XIRP2: variants seen among roughly 807,000 people sequenced by gnomAD.
The protein encoded by XIRP2 is xin actin-binding repeat-containing protein 2.
A neutral mutation model predicts 277.0 loss-of-function variants in XIRP2; 236 were observed. The ratio of observed to expected loss-of-function variants is 0.85; its 90% confidence interval spans 0.77 to 0.95. The LOEUF (loss-of-function observed/expected upper bound fraction) is 0.95, where lower values mean the gene tolerates loss of function less well. Among genes scored for constraint, XIRP2 ranks in the 40% least tolerant of loss-of-function variants. The pLI is 0.00. For synonymous variants in XIRP2, 1,490 were observed against 1,416.5 expected (o/e 1.05, Z -1.17); for missense variants, 4,640 against 4,157.5 (o/e 1.12, Z -3.19).
intron 2 of XIRP2, among the ~76,000 whole-genome samples, chr2:167,072,613 C>G (rs1371163484): frequency 6.6e-6 from 1 of 152,140 alleles, no homozygotes; most frequent in African/African-American, 2.4e-5. Context: ...GTCAGGCACT[C>G]AATAAATACT....
At chr2:167,075,896 G>A (rs941573304) in intron 2 of XIRP2, among the ~76,000 whole-genome samples, 8 of 151,050 alleles carry the variant, frequency 5.3e-5, no homozygotes, top group Admixed American at 2.6e-4. Context: ...GGCTTGTCTC[G>A]AACTTCTGGT....
At chr2:167,197,070 T>G (rs964842106) in intron 3 of XIRP2, among the ~76,000 whole-genome samples, 1 of 152,214 alleles carries the variant, frequency 6.6e-6, no homozygotes. Flanking sequence ...TGGTTTCACT[T>G]TCCAAGCAAA....
chr2:166,997,189 A>T (rs1415814481), intron 2 of XIRP2, among the ~76,000 whole-genome samples: 2 of 152,102 alleles, frequency 1.3e-5, no homozygotes, highest in African/African-American at 4.8e-5. Context: ...TTTTCACAGG[A>T]TTTTTTATTA....
intron 3 of XIRP2, among the ~76,000 whole-genome samples, chr2:167,198,807 G>A (rs907903727): frequency 6.6e-5 from 10 of 152,046 alleles, no homozygotes; most frequent in Non-Finnish European, 5.9e-5. Context: ...AATAATGTTC[G>A]GTAAAGAAAG....
chr2:166,947,099 T>C (rs1363507493), intron 2 of XIRP2, among the ~76,000 whole-genome samples: 1 of 152,142 alleles, frequency 6.6e-6, no homozygotes, highest in Non-Finnish European at 1.5e-5. Context: ...TCAATAAACA[T>C]AGATATAAAT....
At position 167,244,930 on chromosome 2, in the gene XIRP2, G is replaced by A. The variant is rs1443046466; in HGVS notation, c.3538G>A (p.Glu1180Lys). The change falls in exon 9 of 11, where the codon GAA (glutamate) becomes AAA (lysine). Residue 1180 changes from glutamate (E) to lysine (K), a missense_variant. Glu to Lys is a moderately conservative substitution (Grantham distance 56). Transcript: ENST00000409195. ...ETENLDSIQG[E>K]EVKEIKPVEM... Reference sequence around the variant, plus strand: ...AGAAAATTTGGACAGCATACAAGGAGAAGAAGTGAAGGAAATCAAGCCTGT... The same window carrying A: ...AGAAAATTTGGACAGCATACAAGGAAAAGAAGTGAAGGAAATCAAGCCTGT... The A allele has an allele frequency of 6.2e-7, 1 of 1,612,582 alleles. No homozygotes were observed.
chr2:167,037,012 G>A (rs1032953069), intron 2 of XIRP2, among the ~76,000 whole-genome samples: 2 of 152,106 alleles, frequency 1.3e-5, no homozygotes, highest in East Asian at 1.9e-4. Flanking sequence ...GGAACAGTAA[G>A]TCCAGTTAAA....
chr2:167,193,989 A>G (rs771698985), intron 3 of XIRP2, among the ~76,000 whole-genome samples: 1 of 152,002 alleles, frequency 6.6e-6, no homozygotes, highest in Non-Finnish European at 1.5e-5. Flanking sequence ...CAAGTTTCCT[A>G]TAGGCTTATT....
At chr2:167,231,758 T>G (rs1274558315) in intron 5 of XIRP2, among the ~76,000 whole-genome samples, 1 of 151,900 alleles carries the variant, frequency 6.6e-6, no homozygotes, top group Admixed American at 6.6e-5. Context: ...GTTAGTGACA[T>G]GAGAAGCAGG....
chr2:167,237,179 CT>C (rs1559034131), intron 5 of XIRP2, among the ~76,000 whole-genome samples: 1 of 152,118 alleles, frequency 6.6e-6, no homozygotes, highest in Non-Finnish European at 1.5e-5. Context: ...GTGTCATCTC[CT>C]ACAAGAAAAC....
At chr2:167,078,506 T>C (rs1367861888) in intron 2 of XIRP2, among the ~76,000 whole-genome samples, 3 of 152,096 alleles carry the variant, frequency 2.0e-5, no homozygotes, top group Admixed American at 2.0e-4. Flanking sequence ...CCAGTACTAT[T>C]AGGTTGGTGC....
intron 4 of XIRP2, among the ~76,000 whole-genome samples, chr2:167,213,463 G>A (rs1694117384): frequency 1.3e-5 from 2 of 152,232 alleles, no homozygotes; most frequent in East Asian, 3.9e-4. Flanking sequence ...AGAACTTGAG[G>A]ACTGTGTAAT....
intron 2 of XIRP2, among the ~76,000 whole-genome samples, chr2:167,078,396 A>G (rs1574231264): frequency 6.6e-6 from 1 of 152,210 alleles, no homozygotes; most frequent in Non-Finnish European, 1.5e-5. Flanking sequence ...TTTCTAATTT[A>G]GAATCATATT....
At chr2:166,920,764 C>A (rs1403690620) in intron 2 of XIRP2, among the ~76,000 whole-genome samples, 1 of 152,102 alleles carries the variant, frequency 6.6e-6, no homozygotes, top group African/African-American at 2.4e-5. Context: ...ATTGTCATAA[C>A]TAACCTGTGA....
chr2:167,024,981 G>A (rs1558952139), intron 2 of XIRP2, among the ~76,000 whole-genome samples: 1 of 152,078 alleles, frequency 6.6e-6, no homozygotes, highest in African/African-American at 2.4e-5. Context: ...CATGAGTTAG[G>A]GAGGATTCCC....
chr2:167,209,698 GT>G (rs1180589021), intron 3 of XIRP2, among the ~76,000 whole-genome samples: 1 of 151,824 alleles, frequency 6.6e-6, no homozygotes, highest in Non-Finnish European at 1.5e-5. Flanking sequence ...CCATCTAAGA[GT>G]GAATAGTAAA....
chr2:167,092,983 A>G (rs1459834884), intron 2 of XIRP2, among the ~76,000 whole-genome samples: 2 of 152,154 alleles, frequency 1.3e-5, no homozygotes, highest in Non-Finnish European at 2.9e-5. Flanking sequence ...ATATGTTCTA[A>G]TACCATGAGT....
At chr2:166,924,319 A>C (rs1685129750) in intron 2 of XIRP2, among the ~76,000 whole-genome samples, 1 of 152,030 alleles carries the variant, frequency 6.6e-6, no homozygotes, top group Non-Finnish European at 1.5e-5. Flanking sequence ...TCTTGAGTGC[A>C]GTTCATACTC....
intron 2 of XIRP2, among the ~76,000 whole-genome samples, chr2:166,927,972 A>G (rs1008481084): frequency 2.0e-5 from 3 of 152,180 alleles, no homozygotes; most frequent in Non-Finnish European, 2.9e-5. Flanking sequence ...GAAAGGCTAA[A>G]CAATATCCAG....
Sources: gnomAD v4.1 joint callset for allele counts (sites outside exome capture counted in the v4.1 genomes callset) on GRCh38, gnomAD v4.1.1 for gene constraint, MANE v1.5 for transcripts, NCBI Gene and HGNC (gene_info 2026-07-23, HGNC 2026-07-21) for gene names.